Variants in ERGIC1 observed in about 807,000 individuals in gnomAD.
ERGIC1 encodes the protein endoplasmic reticulum-golgi intermediate compartment 1.
ERGIC1 carries 19 observed loss-of-function variants against 38.3 expected under a neutral mutation model. That is an observed-to-expected ratio of 0.50 (90% CI 0.35 to 0.73). The LOEUF (loss-of-function observed/expected upper bound fraction) is 0.73, where lower values mean the gene tolerates loss of function less well. Ranked by LOEUF, ERGIC1 falls within the 30% of genes least tolerant of loss-of-function variation. The pLI is 0.01. For synonymous variants in ERGIC1, 124 were observed against 157.6 expected, an observed-to-expected ratio of 0.79 and a Z score of 1.60; for missense variants, 294 against 389.2, an observed-to-expected ratio of 0.76 and a Z score of 2.06.
chr5:172,848,994 A>C (rs78477916), intron 1 of ERGIC1, among the ~76,000 whole-genome samples: 1,809 of 152,266 alleles, frequency 0.012, 13 homozygotes, highest in Non-Finnish European at 0.021. Flanking sequence ...GCTTGAAGCC[A>C]TGTTAGTCCC....
chr5:172,935,081 G>A, intron 8 of ERGIC1, 107 bp from the exon 9 acceptor site: 1 of 1,535,568 alleles, frequency 6.5e-7, no homozygotes, highest in Non-Finnish European at 8.9e-7. Flanking sequence ...GGGGCAGAGA[G>A]GGAGGAAAGC....
chr5:172,943,933 A>G (rs1211986188), intron 9 of ERGIC1, among the ~76,000 whole-genome samples: 1 of 152,210 alleles, frequency 6.6e-6, no homozygotes, highest in Non-Finnish European at 1.5e-5. Flanking sequence ...ATGTAAGGGA[A>G]ACACACACGC....
chr5:172,867,261 G>A (rs1248768718), intron 1 of ERGIC1: 1 of 444,768 alleles, frequency 2.2e-6, no homozygotes, highest in African/African-American at 2.0e-5. Flanking sequence ...TGGTCAGGGT[G>A]TGATCCCTTT....
intron 7 of ERGIC1, among the ~76,000 whole-genome samples, chr5:172,927,384 C>G (rs559823715): frequency 9.3e-4 from 142 of 152,288 alleles, no homozygotes; most frequent in Non-Finnish European, 1.7e-3. Flanking sequence ...GACCTGCCCC[C>G]CCGACAAATC....
chr5:172,876,739 G>A (rs776275284), intron 1 of ERGIC1, among the ~76,000 whole-genome samples: 47 of 152,074 alleles, frequency 3.1e-4, no homozygotes, highest in African/African-American at 7.2e-4. Flanking sequence ...TGTCCTTTCC[G>A]CTCTCCCTGG....
At chr5:172,907,433 C>G (rs2113365573) in intron 3 of ERGIC1, among the ~76,000 whole-genome samples, 1 of 152,250 alleles carries the variant, frequency 6.6e-6, no homozygotes, top group Middle Eastern at 3.4e-3. Flanking sequence ...TGGCGCATGC[C>G]AGTAGTCCCA....
intron 8 of ERGIC1, 28 bp downstream of exon 8, chr5:172,932,564 G>C: frequency 6.2e-7 from 1 of 1,606,312 alleles, no homozygotes; most frequent in South Asian, 1.1e-5. Context: ...GGGCCGAGCT[G>C]TGTGCGGCGG....
intron 1 of ERGIC1, among the ~76,000 whole-genome samples, chr5:172,880,906 C>A (rs2113220090): frequency 6.6e-6 from 1 of 152,336 alleles, no homozygotes; most frequent in East Asian, 1.9e-4. Flanking sequence ...TTTCTTAAGT[C>A]CAGTTGGTTC....
rs1171513527 is a variant in ERGIC1 at position 172,926,539 on chromosome 5, C to G, written c.511C>G (p.Leu171Val). 1.5e-5 allele frequency: 24 copies of G among 1,613,284 alleles called. No individual in the cohort carries two copies. The highest frequency in any genetic ancestry group is 8.5e-7 in the Non-Finnish European group (1 of 1,180,030). Residue 171 changes from leucine (L) to valine (V), a missense_variant, in exon 7 of 10, where the codon CTC becomes GTC. Physicochemically the swap from Leu to Val is conservative, Grantham distance 32. This residue lies in a region of ERGIC1 where 109 missense variants were observed against 112.7 expected (regional missense o/e 0.97). Coordinates refer to ENST00000393784, the MANE Select transcript of ERGIC1 (RefSeq NM_001031711.3). This position sits in a 1 kb window ranked among gnomAD's most constrained non-coding sequence, Gnocchi z 5.2. Reference protein sequence around the residue: ...VQNIHGAFNALGGADRLTSNP... With the variant: ...VQNIHGAFNAVGGADRLTSNP... ...GAACATCCACGGAGCTTTCAATGCT[C>G]TCGGGGGAGCAGACAGACTCACCTC...
chr5:172,871,436 G>A (rs1762004751), intron 1 of ERGIC1, among the ~76,000 whole-genome samples: 1 of 152,178 alleles, frequency 6.6e-6, no homozygotes, highest in South Asian at 2.1e-4. Flanking sequence ...TGATCTCCTT[G>A]TCTGATGAGC....
intron 1 of ERGIC1, among the ~76,000 whole-genome samples, chr5:172,847,418 C>T (rs999949442): frequency 6.6e-6 from 1 of 152,290 alleles, no homozygotes; most frequent in Admixed American, 6.5e-5. Flanking sequence ...TCTACCATGG[C>T]AACTGAAATC....
intron 1 of ERGIC1, among the ~76,000 whole-genome samples, chr5:172,859,159 A>G (rs1356856574): frequency 6.6e-6 from 1 of 151,984 alleles, no homozygotes; most frequent in Admixed American, 6.5e-5. Flanking sequence ...TTCCCTGTGC[A>G]TGCCAGTCCC....
intron 1 of ERGIC1, among the ~76,000 whole-genome samples, chr5:172,868,369 G>A (rs879476147): frequency 1.3e-5 from 2 of 152,208 alleles, no homozygotes; most frequent in Non-Finnish European, 2.9e-5. Context: ...TATTGTTCAG[G>A]ATTGAAAGGT....
chr5:172,913,991 T>C (rs1416177961), intron 4 of ERGIC1, among the ~76,000 whole-genome samples: 1 of 152,022 alleles, frequency 6.6e-6, no homozygotes, highest in Non-Finnish European at 1.5e-5. Context: ...TCCCAGCACT[T>C]TGGGAGGCTG....
intron 1 of ERGIC1, among the ~76,000 whole-genome samples, chr5:172,847,641 GT>G (rs1371933567): frequency 3.3e-5 from 5 of 152,036 alleles, no homozygotes; most frequent in Non-Finnish European, 4.4e-5. Context: ...AGCCTCCCAA[GT>G]TAGCTGGGAC....
intron 1 of ERGIC1, among the ~76,000 whole-genome samples, chr5:172,843,251 G>A (rs1406192981): frequency 1.3e-5 from 2 of 152,178 alleles, no homozygotes; most frequent in East Asian, 1.9e-4. Context: ...GTTTGCAAAT[G>A]TTTTCTTCCA....
intron 5 of ERGIC1, among the ~76,000 whole-genome samples, chr5:172,921,113 A>G (rs1464100661): frequency 6.6e-6 from 1 of 152,188 alleles, no homozygotes; most frequent in Non-Finnish European, 1.5e-5. Context: ...CTTTGTATGC[A>G]TCACCTCAAT....
intron 9 of ERGIC1, among the ~76,000 whole-genome samples, chr5:172,941,942 C>T (rs1764019419): frequency 6.6e-6 from 1 of 152,172 alleles, no homozygotes; most frequent in Non-Finnish European, 1.5e-5. Context: ...CGCAGTGGCT[C>T]ACGCCTGTAA....
chr5:172,902,732 C>T (rs1290571955), intron 3 of ERGIC1, among the ~76,000 whole-genome samples: 1 of 152,126 alleles, frequency 6.6e-6, no homozygotes, highest in African/African-American at 2.4e-5. Flanking sequence ...CTCCGGAGCA[C>T]GTGCTTGCAG....
Sources: gnomAD v4.1 joint callset for allele counts (sites outside exome capture counted in the v4.1 genomes callset) on GRCh38, gnomAD v4.1.1 for gene constraint, gnomAD v4.1.1 regional missense constraint, Gnocchi (gnomAD v3.1) non-coding constraint, MANE v1.5 for transcripts, NCBI Gene and HGNC (gene_info 2026-07-23, HGNC 2026-07-21) for gene names.